JAZF1: variants seen among roughly 807,000 people sequenced by gnomAD.
JAZF1 encodes JAZF zinc finger 1.
In JAZF1, 8 loss-of-function variants were observed where a neutral mutation model predicts 26.4. The observed-to-expected ratio is 0.30, with a 90% CI of 0.18 to 0.55. The LOEUF (loss-of-function observed/expected upper bound fraction) is 0.55. Among genes scored for constraint, JAZF1 ranks in the 20% least tolerant of loss-of-function variants. The pLI is 0.94. For missense variants in JAZF1, 199 were observed against 322.0 expected (o/e 0.62, Z 2.92); for synonymous variants, 126 against 122.3 (o/e 1.03, Z -0.20).
chr7:28,080,267 G>T (rs2127915498), intron 1 of JAZF1, among the ~76,000 whole-genome samples: 1 of 152,258 alleles, frequency 6.6e-6, no homozygotes, highest in South Asian at 2.1e-4. Flanking sequence ...TCATAGAATT[G>T]AAGAGACTTG....
chr7:27,929,561 G>A (rs1421905761), intron 2 of JAZF1, among the ~76,000 whole-genome samples: 1 of 152,224 alleles, frequency 6.6e-6, no homozygotes, highest in African/African-American at 2.4e-5. Flanking sequence ...GTAAGCAGAA[G>A]TTTGTAGGTA....
At chr7:27,897,849 T>A (rs1784097523) in intron 2 of JAZF1, among the ~76,000 whole-genome samples, 1 of 152,188 alleles carries the variant, frequency 6.6e-6, no homozygotes, top group Non-Finnish European at 1.5e-5. Flanking sequence ...TTGTCCTCCA[T>A]CCTCTGAACA....
chr7:28,103,094 G>T (rs1441017812), intron 1 of JAZF1, among the ~76,000 whole-genome samples: 2 of 152,018 alleles, frequency 1.3e-5, no homozygotes, highest in African/African-American at 4.8e-5. Context: ...CTTCTCCTTG[G>T]AACACTCTGC....
Position 27,969,489 on chromosome 7 carries a change from C to T in JAZF1, c.188+22420G>A, listed in dbSNP as rs115546938. 5.2e-3 allele frequency among the ~76,000 whole-genome samples: 795 copies of T among 151,988 alleles called. 9 individuals are homozygous for T. Among genetic ancestry groups the T allele is most frequent in the African/African-American group, 0.018 (755 of 41,430 alleles). On this transcript the variant is annotated intron_variant, in intron 2 of 4. Coordinates refer to ENST00000283928, the MANE Select transcript of JAZF1 (RefSeq NM_175061.4). ...AACATCACGTTTATGGCCTTAGCAA[C>T]GGTGCAGAGTGAATTGACTGTCAAG...
At chr7:28,154,580 T>C (rs945438331) in intron 1 of JAZF1, among the ~76,000 whole-genome samples, 3 of 152,166 alleles carry the variant, frequency 2.0e-5, no homozygotes, top group Non-Finnish European at 4.4e-5. Context: ...CATTGTGCCA[T>C]ACAGGTGAAA....
intron 2 of JAZF1, among the ~76,000 whole-genome samples, chr7:27,928,953 G>A (rs1784640734): frequency 6.6e-6 from 1 of 152,018 alleles, no homozygotes; most frequent in South Asian, 2.1e-4. Context: ...GGACTTAAAA[G>A]TTAAAAACAG....
At chr7:27,984,465 G>T (rs2128363098) in intron 2 of JAZF1, among the ~76,000 whole-genome samples, 1 of 152,240 alleles carries the variant, frequency 6.6e-6, no homozygotes, top group East Asian at 1.9e-4. Context: ...AGTCCTTAGA[G>T]ACCTACAAAG....
intron 1 of JAZF1, among the ~76,000 whole-genome samples, chr7:28,117,278 G>A (rs572218414): frequency 4.6e-5 from 7 of 151,964 alleles, no homozygotes; most frequent in Admixed American, 1.3e-4. Flanking sequence ...CTGATTCACG[G>A]TTAAAAAGTC....
At chr7:28,093,355 T>C (rs935573725) in intron 1 of JAZF1, among the ~76,000 whole-genome samples, 10 of 152,202 alleles carry the variant, frequency 6.6e-5, no homozygotes, top group African/African-American at 1.9e-4. Flanking sequence ...TGCTGCCATG[T>C]AAGACATGCC....
chr7:27,901,188 G>T (rs547304974), intron 2 of JAZF1, among the ~76,000 whole-genome samples: 3 of 152,166 alleles, frequency 2.0e-5, no homozygotes, highest in African/African-American at 7.2e-5. Context: ...TGAAACTGCT[G>T]TAAGATTAAT....
intron 1 of JAZF1, among the ~76,000 whole-genome samples, chr7:28,095,227 G>A (rs1784364160): frequency 6.6e-6 from 1 of 152,186 alleles, no homozygotes. Flanking sequence ...TCCTAGGCAA[G>A]CCCTGTATTA....
At chr7:27,979,405 T>C (rs59599535) in intron 2 of JAZF1, among the ~76,000 whole-genome samples, 18,591 of 83,852 alleles carry the variant, frequency 0.22, 2,133 homozygotes, top group South Asian at 0.26. Context: ...TTTTTTTTTT[T>C]AGAAACAGAG....
intron 1 of JAZF1, among the ~76,000 whole-genome samples, chr7:28,131,571 T>C (rs1008986581): frequency 1.3e-5 from 2 of 152,218 alleles, no homozygotes; most frequent in African/African-American, 4.8e-5. Context: ...ATTTGGTCCA[T>C]GGTCGATACA....
chr7:27,945,691 C>T (rs1327211096), intron 2 of JAZF1, among the ~76,000 whole-genome samples: 1 of 152,182 alleles, frequency 6.6e-6, no homozygotes, highest in East Asian at 1.9e-4. Flanking sequence ...TAGACTCCAC[C>T]CCAGACCTAT....
chr7:28,065,249 C>A (rs1047414688), intron 1 of JAZF1, among the ~76,000 whole-genome samples: 4 of 152,138 alleles, frequency 2.6e-5, no homozygotes, highest in Admixed American at 1.3e-4. Context: ...GTCCAGGAGA[C>A]ATAGTCTGGG....
In JAZF1 at chr7:27,928,857, C is replaced by T. The variant is rs115602519; in HGVS notation, c.189-33441G>A. Among the ~76,000 whole-genome samples the T allele has an allele frequency of 8.6e-3, 1,315 of 152,176 alleles. 20 individuals carry two copies. The highest frequency in any genetic ancestry group is 0.031 in the Middle Eastern group (9 of 294). Reference sequence around the variant, plus strand: ...ATGGATGTTAGGCTTAGTACCTGGACGATGAAACAATTTGTACAACAAACC... The same window carrying T: ...ATGGATGTTAGGCTTAGTACCTGGATGATGAAACAATTTGTACAACAAACC... On this transcript the variant is annotated intron_variant, in intron 2 of 4. Transcript: ENST00000283928.
At chr7:28,113,515 T>C (rs946888253) in intron 1 of JAZF1, among the ~76,000 whole-genome samples, 10 of 152,172 alleles carry the variant, frequency 6.6e-5, no homozygotes, top group African/African-American at 2.2e-4. Context: ...CAACACCAGA[T>C]ACCTGCAGAA....
chr7:27,874,457 C>T (rs1193398010), intron 3 of JAZF1, among the ~76,000 whole-genome samples: 1 of 152,104 alleles, frequency 6.6e-6, no homozygotes, highest in East Asian at 1.9e-4. Context: ...CCAACGAGAG[C>T]AGGAAGTGCC....
At chr7:28,101,876 T>C (rs1157274439) in intron 1 of JAZF1, among the ~76,000 whole-genome samples, 1 of 152,204 alleles carries the variant, frequency 6.6e-6, no homozygotes, top group Non-Finnish European at 1.5e-5. Flanking sequence ...ATGCCATTTT[T>C]TTTTCTTAGC....
Sources: gnomAD v4.1 joint callset for allele counts (sites outside exome capture counted in the v4.1 genomes callset) on GRCh38, gnomAD v4.1.1 for gene constraint, MANE v1.5 for transcripts, NCBI Gene and HGNC (gene_info 2026-07-23, HGNC 2026-07-21) for gene names.